DNAH9: variants seen among roughly 807,000 people sequenced by gnomAD.
The protein encoded by DNAH9 is DNAH9 variant protein.
Under a neutral mutation model 471.6 loss-of-function variants are expected in DNAH9, and 345 were observed. That is an observed-to-expected ratio of 0.73 (90% CI 0.67 to 0.80). DNAH9 has a LOEUF of 0.80. DNAH9 is among the 30% of genes least tolerant of loss of function. The probability of loss-of-function intolerance (pLI) is 0.00; values close to 1 mark genes in which losing one functional copy is unlikely to be tolerated. For synonymous variants in DNAH9, 2,093 were observed against 2,123.6 expected (o/e 0.99, Z 0.40); for missense variants, 5,407 against 5,609.2 (o/e 0.96, Z 1.15).
intron 14 of DNAH9, among the ~76,000 whole-genome samples, chr17:11,663,990 T>A (rs570590642): frequency 1.3e-5 from 2 of 152,356 alleles, no homozygotes; most frequent in South Asian, 4.1e-4. Flanking sequence ...GGGAGATTTA[T>A]AACATGGCAA....
At chr17:11,966,189 TAAA>T (rs1976704053) in intron 68 of DNAH9, among the ~76,000 whole-genome samples, 1 of 152,182 alleles carries the variant, frequency 6.6e-6, no homozygotes. Flanking sequence ...TGGTGAAAGA[TAAA>T]GAAGAAAATC....
intron 55 of DNAH9, among the ~76,000 whole-genome samples, chr17:11,882,645 T>A (rs1972766195): frequency 1.3e-5 from 2 of 152,090 alleles, no homozygotes; most frequent in Non-Finnish European, 2.9e-5. Flanking sequence ...GAATCTACAC[T>A]CTAGTGGAGG....
intron 17 of DNAH9, among the ~76,000 whole-genome samples, chr17:11,674,238 G>A (rs1040371572): frequency 3.3e-5 from 5 of 152,088 alleles, no homozygotes; most frequent in Non-Finnish European, 7.4e-5. Flanking sequence ...ATTCCTCTAG[G>A]GTGTATACTT....
chr17:11,756,097 G>A (rs933659563), intron 33 of DNAH9, among the ~76,000 whole-genome samples: 18 of 152,110 alleles, frequency 1.2e-4, no homozygotes, highest in Non-Finnish European at 2.1e-4. Flanking sequence ...CTAACACAGC[G>A]AAACCCCGTC....
chr17:11,756,700 C>G (rs1967407266), intron 34 of DNAH9, 24 bp downstream of exon 34: 5 of 1,425,944 alleles, frequency 3.5e-6, no homozygotes, highest in Non-Finnish European at 5.0e-6. Flanking sequence ...AGGGAAGAAC[C>G]ACAAAGCTAC....
At chr17:11,881,853 A>G (rs548199530) in intron 55 of DNAH9, among the ~76,000 whole-genome samples, 2 of 152,150 alleles carry the variant, frequency 1.3e-5, no homozygotes, top group South Asian at 4.2e-4. Flanking sequence ...CGGAGGTTGC[A>G]GTGAGCCAAG....
intron 52 of DNAH9, chr17:11,873,307 A>T (rs1197344349): frequency 6.6e-6 from 1 of 152,236 alleles, no homozygotes; most frequent in Non-Finnish European, 1.5e-5. Context: ...CGTCTTTGGC[A>T]GTCTGGTGAG....
In DNAH9 at chr17:11,783,731, A is replaced by T. The variant is rs1968753590; in HGVS notation, c.7804A>T (p.Ile2602Phe). ...GAACCCCACGGCAGGCAGCTTCACC[A>T]TCAACCCCCGGCTTCAGGTACAGGA... ...CMNPTAGSFT[I>F]NPRLQRHFSV... Residue 2602 changes from isoleucine to phenylalanine, a missense_variant, in exon 40 of 69, where the codon ATC becomes TTC. Ile to Phe is a conservative substitution (Grantham distance 21). Coordinates refer to ENST00000262442, the MANE Select transcript of DNAH9 (RefSeq NM_001372.4). 4 of 1,613,962 alleles carry T rather than the reference A, an allele frequency of 2.5e-6. No individual in the cohort carries two copies. Among genetic ancestry groups the T allele is most frequent in the Admixed American group, 3.3e-5 (2 of 60,002 alleles).
At chr17:11,768,333 A>G in intron 36 of DNAH9, 120 bp from the exon 37 acceptor site, 1 of 1,001,302 alleles carries the variant, frequency 1.0e-6, no homozygotes, top group African/African-American at 1.6e-5. Context: ...TCTAGCCGGC[A>G]GGCCCACACA....
At chr17:11,709,262 G>A (rs1376106981) in intron 26 of DNAH9, among the ~76,000 whole-genome samples, 5 of 152,152 alleles carry the variant, frequency 3.3e-5, no homozygotes, top group African/African-American at 1.2e-4. Context: ...CTAAAATAAT[G>A]GTGAATACTA....
At chr17:11,964,553 TCTC>T (rs1367948669) in intron 68 of DNAH9, among the ~76,000 whole-genome samples, 1 of 152,062 alleles carries the variant, frequency 6.6e-6, no homozygotes, top group Non-Finnish European at 1.5e-5. Context: ...CCTAAAATCC[TCTC>T]CTCCATAAAA....
At chr17:11,708,777 A>C (rs1258522997) in intron 26 of DNAH9, among the ~76,000 whole-genome samples, 1 of 152,174 alleles carries the variant, frequency 6.6e-6, no homozygotes, top group Non-Finnish European at 1.5e-5. Context: ...CTTGGGACAG[A>C]ATAATGAAGC....
chr17:11,958,726 T>C (rs115304687), intron 67 of DNAH9, among the ~76,000 whole-genome samples: 1,355 of 115,726 alleles, frequency 0.012, 24 homozygotes, highest in African/African-American at 0.035. Context: ...AAACTAAAAC[T>C]GCCCTAAAAA....
At chr17:11,682,385 G>A (rs931048554) in intron 19 of DNAH9, among the ~76,000 whole-genome samples, 1 of 152,046 alleles carries the variant, frequency 6.6e-6, no homozygotes, top group Non-Finnish European at 1.5e-5. Flanking sequence ...CTGAGTAGCT[G>A]GGACTACAAG....
chr17:11,820,213 G>GT (rs1214960893), intron 45 of DNAH9, among the ~76,000 whole-genome samples: 1 of 151,562 alleles, frequency 6.6e-6, no homozygotes, highest in East Asian at 1.9e-4. Flanking sequence ...TATTTTCATA[G>GT]TTTTTTTTCT....
intron 48 of DNAH9, among the ~76,000 whole-genome samples, chr17:11,827,520 C>T (rs887968371): frequency 1.3e-5 from 2 of 152,084 alleles, no homozygotes; most frequent in South Asian, 2.1e-4. Flanking sequence ...AGTGCAGTGC[C>T]GAGGGGATGG....
chr17:11,822,174 G>A (rs1470118364), intron 46 of DNAH9, 112 bp downstream of exon 46: 1 of 1,292,704 alleles, frequency 7.7e-7, no homozygotes, highest in Non-Finnish European at 1.1e-6. Flanking sequence ...TAGGTGGTGA[G>A]TGTGCGGCAC....
At chr17:11,869,027 G>A (rs935794701) in intron 50 of DNAH9, 107 bp from the exon 51 acceptor site, 40 of 1,351,776 alleles carry the variant, frequency 3.0e-5, no homozygotes, top group South Asian at 8.7e-5. Context: ...GAATGCCCCC[G>A]CAGAGTGCTT....
chr17:11,796,868 A>G (rs1969261080), intron 42 of DNAH9, among the ~76,000 whole-genome samples: 1 of 152,132 alleles, frequency 6.6e-6, no homozygotes. Flanking sequence ...CAGTACTTAG[A>G]GATATATTGG....
Sources: gnomAD v4.1 joint callset for allele counts (sites outside exome capture counted in the v4.1 genomes callset) on GRCh38, gnomAD v4.1.1 for gene constraint, MANE v1.5 for transcripts, NCBI Gene and HGNC (gene_info 2026-07-23, HGNC 2026-07-21) for gene names.